Variants in PIEZO2 observed in about 807,000 individuals in gnomAD.
PIEZO2 encodes piezo-type mechanosensitive ion channel component 2.
In PIEZO2, 172 loss-of-function variants were observed where a neutral mutation model predicts 337.3. The ratio of observed to expected loss-of-function variants is 0.51; its 90% CI spans 0.45 to 0.58. The LOEUF (loss-of-function observed/expected upper bound fraction) is 0.58. Among genes scored for constraint, PIEZO2 ranks in the 20% least tolerant of loss-of-function variants. The probability of loss-of-function intolerance (pLI) is 0.00; values close to 1 mark genes in which losing one functional copy is unlikely to be tolerated. For missense variants in PIEZO2, 3,028 were observed against 3,391.3 expected, an observed-to-expected ratio of 0.89 and a Z score of 2.66; for synonymous variants, 1,251 against 1,228.5, an observed-to-expected ratio of 1.02 and a Z score of -0.38.
chr18:11,129,620 C>A lies in PIEZO2; in HGVS notation c.64+18905G>T, dbSNP rs140957170. 6.6e-6 allele frequency among the ~76,000 whole-genome samples: 1 copy of A among 152,150 alleles called. No homozygotes were observed. The highest frequency in any genetic ancestry group is 6.5e-5 in the Admixed American group (1 of 15,272). ...CCCTTGAATGAAGGGGAGGCTGAGTCCCCTTGAGGAAGAACCCCACTACAT... is the reference window on the plus strand; with the variant it reads ...CCCTTGAATGAAGGGGAGGCTGAGTACCCTTGAGGAAGAACCCCACTACAT... On this transcript the variant is annotated intron_variant, in intron 1 of 55. Coordinates refer to ENST00000674853, the MANE Select transcript of PIEZO2 (RefSeq NM_001378183.1). The surrounding 1 kb of genome is among the most constrained non-coding windows in gnomAD (Gnocchi z 4.6).
At chr18:10,674,786 A>C (rs1038338880) in intron 54 of PIEZO2, among the ~76,000 whole-genome samples, 2 of 152,226 alleles carry the variant, frequency 1.3e-5, no homozygotes, top group African/African-American at 4.8e-5. Flanking sequence ...TCAATCACTA[A>C]AGTGCCTCTA....
At chr18:10,782,126 CA>C (rs2039006319) in intron 17 of PIEZO2, among the ~76,000 whole-genome samples, 2 of 141,098 alleles carry the variant, frequency 1.4e-5, no homozygotes, top group Admixed American at 1.5e-4. Context: ...AAGCTTTGAA[CA>C]TTTTATATAT....
chr18:10,780,039 C>A (rs893026210), intron 18 of PIEZO2, among the ~76,000 whole-genome samples: 1 of 152,092 alleles, frequency 6.6e-6, no homozygotes, highest in Non-Finnish European at 1.5e-5. Context: ...CTCAGGCAAG[C>A]CTTGCACTAA....
chr18:10,785,501 G>A (rs946288905), intron 16 of PIEZO2, among the ~76,000 whole-genome samples: 2 of 152,120 alleles, frequency 1.3e-5, no homozygotes, highest in African/African-American at 2.4e-5. Flanking sequence ...TTTTATATTA[G>A]TGCTTCCAAA....
intron 3 of PIEZO2, among the ~76,000 whole-genome samples, chr18:10,918,647 G>A (rs534372664): frequency 2.0e-5 from 3 of 151,768 alleles, no homozygotes; most frequent in Non-Finnish European, 2.9e-5. Flanking sequence ...TTTACAAAAC[G>A]TGAAAATACT....
At chr18:11,011,796 A>G (rs986458407) in intron 2 of PIEZO2, among the ~76,000 whole-genome samples, 2 of 152,230 alleles carry the variant, frequency 1.3e-5, no homozygotes, top group Non-Finnish European at 2.9e-5. Context: ...AGTATTTTCC[A>G]TAACTCTTGA....
chr18:10,681,949 T>A (rs2034285431), intron 50 of PIEZO2, among the ~76,000 whole-genome samples, 155 bp downstream of exon 50: 1 of 151,454 alleles, frequency 6.6e-6, no homozygotes, highest in African/African-American at 2.4e-5. Flanking sequence ...TCTCTCAGTG[T>A]CTTCTGCACC....
At chr18:10,838,114 T>C (rs190349492) in intron 7 of PIEZO2, among the ~76,000 whole-genome samples, 1 of 152,266 alleles carries the variant, frequency 6.6e-6, no homozygotes, top group African/African-American at 2.4e-5. Context: ...CTTTAAAGTA[T>C]CTTTAAGGTA....
intron 1 of PIEZO2, among the ~76,000 whole-genome samples, chr18:11,145,292 T>A (rs568457217): frequency 6.6e-6 from 1 of 152,298 alleles, no homozygotes; most frequent in South Asian, 2.1e-4. Context: ...ACGAATCACA[T>A]AACATCTGCA....
At chr18:10,992,688 T>C (rs2035155647) in intron 2 of PIEZO2, among the ~76,000 whole-genome samples, 1 of 152,216 alleles carries the variant, frequency 6.6e-6, no homozygotes, top group African/African-American at 2.4e-5. Context: ...TTCTTTTTGC[T>C]TAGGATTGCC....
chr18:10,911,000 G>C (rs1472507390), intron 4 of PIEZO2, among the ~76,000 whole-genome samples, 186 bp downstream of exon 4: 1 of 151,104 alleles, frequency 6.6e-6, no homozygotes, highest in Non-Finnish European at 1.5e-5. Context: ...TGCAGGCAAG[G>C]CTTTATGAAG....
chr18:10,971,748 T>C (rs2034246245), intron 3 of PIEZO2, among the ~76,000 whole-genome samples: 1 of 152,186 alleles, frequency 6.6e-6, no homozygotes, highest in Non-Finnish European at 1.5e-5. Context: ...ATCCTAATCA[T>C]ATCTATTCCT....
Position 11,127,525 on chromosome 18 carries a change from C to T in PIEZO2, c.64+21000G>A, listed in dbSNP as rs1347987517. The stretch of plus-strand genomic sequence containing the variant: ...GGAGGGACAGGCCTAGTCTCCTAGT[C>T]TACATCTTTCTCCTGTGCTGAATGC... On this transcript the variant is annotated intron_variant, in intron 1 of 55. Coordinates refer to ENST00000674853, the MANE Select transcript of PIEZO2 (RefSeq NM_001378183.1). This position sits in a 1 kb window ranked among gnomAD's most constrained non-coding sequence, Gnocchi z 4.5. 6.6e-6 allele frequency among the ~76,000 whole-genome samples: 1 copy of T among 152,046 alleles called. No individual in the cohort carries two copies. Among genetic ancestry groups the T allele is most frequent in the Non-Finnish European group, 1.5e-5 (1 of 68,018 alleles).
At chr18:10,889,740 G>A (rs1206974404) in intron 4 of PIEZO2, among the ~76,000 whole-genome samples, 1 of 152,182 alleles carries the variant, frequency 6.6e-6, no homozygotes, top group Admixed American at 6.5e-5. Context: ...CTAACAAGGA[G>A]GTGTCAGGTA....
At chr18:10,996,787 G>A (rs1054568282) in intron 2 of PIEZO2, among the ~76,000 whole-genome samples, 4 of 152,042 alleles carry the variant, frequency 2.6e-5, no homozygotes, top group African/African-American at 9.7e-5. Context: ...ACATGTATTT[G>A]TTTGAGTACC....
intron 27 of PIEZO2, among the ~76,000 whole-genome samples, chr18:10,756,432 A>G (rs1187551079): frequency 1.4e-5 from 2 of 143,666 alleles, no homozygotes; most frequent in Non-Finnish European, 3.0e-5. Flanking sequence ...TGGATGGAAG[A>G]TGAGGAGGAG....
rs2036794893 is a variant in PIEZO2 at position 11,032,963 on chromosome 18, T to C, written c.160+33164A>G. On this transcript the variant is annotated intron_variant, in intron 2 of 55. Coordinates refer to ENST00000674853, the MANE Select transcript of PIEZO2 (RefSeq NM_001378183.1). This position sits in a 1 kb window ranked among gnomAD's most constrained non-coding sequence, Gnocchi z 4.9. ...GATAGCACTGGACTCACAGTCAAGG[T>C]AGATGAGAAATGAGTGAGGTTGGCT... 1.3e-5 allele frequency among the ~76,000 whole-genome samples: 2 copies of C among 152,112 alleles called. No homozygotes were observed. The highest frequency in any genetic ancestry group is 6.5e-5 in the Admixed American group (1 of 15,268).
At chr18:10,758,536 C>G (rs1000735835) in intron 26 of PIEZO2, among the ~76,000 whole-genome samples, 1 of 152,076 alleles carries the variant, frequency 6.6e-6, no homozygotes, top group Non-Finnish European at 1.5e-5. Context: ...AGCCCCACCT[C>G]CTGGGTTCAC....
intron 4 of PIEZO2, among the ~76,000 whole-genome samples, chr18:10,883,264 T>C (rs1306607963): frequency 6.6e-6 from 1 of 152,182 alleles, no homozygotes; most frequent in Non-Finnish European, 1.5e-5. Context: ...CAAATTTCCT[T>C]TCTCTTGGGT....
Sources: gnomAD v4.1 joint callset for allele counts (sites outside exome capture counted in the v4.1 genomes callset) on GRCh38, gnomAD v4.1.1 for gene constraint, Gnocchi (gnomAD v3.1) non-coding constraint, MANE v1.5 for transcripts, NCBI Gene and HGNC (gene_info 2026-07-23, HGNC 2026-07-21) for gene names.